Variants in RIMS1 observed in about 807,000 individuals in gnomAD.
RIMS1 encodes the protein regulating synaptic membrane exocytosis protein 1.
RIMS1 carries 83 observed loss-of-function variants against 214.1 expected under a neutral mutation model. That is an observed-to-expected ratio of 0.39 (90% CI 0.32 to 0.47). RIMS1 has a LOEUF of 0.47. RIMS1 is among the 20% of genes least tolerant of loss of function. The pLI, the probability that RIMS1 is intolerant of heterozygous loss-of-function variation, is 0.99. For missense variants in RIMS1, 2,050 were observed against 2,161.8 expected (o/e 0.95, Z 1.03); for synonymous variants, 793 against 786.8 (o/e 1.01, Z -0.13).
intron 2 of RIMS1, among the ~76,000 whole-genome samples, chr6:72,014,422 A>G (rs1430484981): frequency 2.0e-5 from 3 of 152,240 alleles, no homozygotes; most frequent in African/African-American, 7.2e-5. Flanking sequence ...TTGATGTTGC[A>G]TGGAGCATAT....
intron 2 of RIMS1, among the ~76,000 whole-genome samples, chr6:71,991,238 TA>T (rs1463577591): frequency 2.1e-4 from 32 of 152,196 alleles, no homozygotes; most frequent in Non-Finnish European, 2.9e-5. Context: ...GCCTCTGGAC[TA>T]TATGAATCAC....
intron 4 of RIMS1, among the ~76,000 whole-genome samples, chr6:72,138,088 G>GTGTA (rs1324247457): frequency 6.6e-6 from 1 of 152,036 alleles, no homozygotes; most frequent in African/African-American, 2.4e-5. Context: ...GTGTGTGTGT[G>GTGTA]TGTATGTATA....
chr6:72,049,834 G>GT (rs71699207), intron 2 of RIMS1, among the ~76,000 whole-genome samples: 12,720 of 151,980 alleles, frequency 0.084, 591 homozygotes, highest in African/African-American at 0.11. Flanking sequence ...AATATTTTCA[G>GT]TTTTTTTCAG....
chr6:72,295,936 G>C (rs2094028883), intron 26 of RIMS1: 2 of 538,094 alleles, frequency 3.7e-6, no homozygotes, highest in Admixed American at 1.2e-4. Context: ...ATTCATTGAA[G>C]AACAAGAAAA....
chr6:72,108,427 T>C (rs1398663971), intron 4 of RIMS1, among the ~76,000 whole-genome samples: 1 of 152,150 alleles, frequency 6.6e-6, no homozygotes, highest in Non-Finnish European at 1.5e-5. Flanking sequence ...TTTGACTACA[T>C]CATCACCACT....
Position 71,897,320 on chromosome 6 carries a change from C to T in RIMS1, c.164+10133C>T, listed in dbSNP as rs1487215439. Among the ~76,000 whole-genome samples the T allele has an allele frequency of 2.0e-5, 3 of 152,224 alleles. No individual in the cohort carries two copies. The East Asian group carries it at 5.8e-4, about 29-fold the overall frequency. ...ATCTGATCTGATCTCCACATTGCTG[C>T]CAGAGGAATCTTTCTAAAATTCGTC... On this transcript the variant is annotated intron_variant, in intron 1 of 33. Coordinates refer to ENST00000521978, the MANE Select transcript of RIMS1 (RefSeq NM_014989.7).
At chr6:72,348,261 TCAAA>T (rs1041710401) in intron 29 of RIMS1, among the ~76,000 whole-genome samples, 2 of 151,920 alleles carry the variant, frequency 1.3e-5, no homozygotes, top group Non-Finnish European at 2.9e-5. Flanking sequence ...AATTTTTTTG[TCAAA>T]CAAATGCAAA....
At chr6:72,011,047 C>G (rs2151854812) in intron 2 of RIMS1, among the ~76,000 whole-genome samples, 1 of 149,594 alleles carries the variant, frequency 6.7e-6, no homozygotes, top group African/African-American at 2.4e-5. Flanking sequence ...AAGAACAAAG[C>G]TGGAGTCTTC....
chr6:72,239,275 A>T (rs2065645933), intron 9 of RIMS1, among the ~76,000 whole-genome samples: 1 of 152,188 alleles, frequency 6.6e-6, no homozygotes, highest in African/African-American at 2.4e-5. Context: ...TAGGAAGTAA[A>T]AGAAGAGGGG....
At chr6:72,049,597 C>T (rs1022615132) in intron 2 of RIMS1, among the ~76,000 whole-genome samples, 1 of 152,112 alleles carries the variant, frequency 6.6e-6, no homozygotes, top group Non-Finnish European at 1.5e-5. Context: ...TACTGAGGTA[C>T]GAGGTAAGGT....
At chr6:72,146,652 GATTA>G in intron 4 of RIMS1, among the ~76,000 whole-genome samples, 1 of 152,186 alleles carries the variant, frequency 6.6e-6, no homozygotes, top group South Asian at 2.1e-4. Context: ...TCTTTTACAA[GATTA>G]ATTTTTACAA....
At chr6:72,355,849 G>T (rs1301635878) in intron 29 of RIMS1, among the ~76,000 whole-genome samples, 2 of 152,044 alleles carry the variant, frequency 1.3e-5, no homozygotes, top group African/African-American at 4.8e-5. Flanking sequence ...ATATCATAAT[G>T]AGCATAATAA....
chr6:71,947,633 T>G (rs1253310857), intron 1 of RIMS1, among the ~76,000 whole-genome samples: 1 of 152,098 alleles, frequency 6.6e-6, no homozygotes, highest in African/African-American at 2.4e-5. Flanking sequence ...TATTACATCA[T>G]GATGGCTGCC....
intron 2 of RIMS1, among the ~76,000 whole-genome samples, chr6:72,070,596 G>C (rs1048195635): frequency 1.3e-5 from 2 of 152,062 alleles, no homozygotes; most frequent in African/African-American, 4.8e-5. Context: ...TTAAAATCAA[G>C]TTTTAAAACC....
intron 1 of RIMS1, among the ~76,000 whole-genome samples, chr6:71,894,749 T>C (rs530605856): frequency 2.3e-4 from 35 of 152,332 alleles, no homozygotes; most frequent in African/African-American, 8.4e-4. Context: ...TAATTGCATG[T>C]TATTTGTAAT....
At chr6:72,269,309 T>C (rs1178734380) in intron 22 of RIMS1, among the ~76,000 whole-genome samples, 2 of 152,202 alleles carry the variant, frequency 1.3e-5, no homozygotes, top group Admixed American at 1.3e-4. Flanking sequence ...ACCTCTGTTA[T>C]GATGTCTGCT....
intron 4 of RIMS1, among the ~76,000 whole-genome samples, chr6:72,172,070 G>A (rs759158004): frequency 6.6e-6 from 1 of 151,848 alleles, no homozygotes; most frequent in Admixed American, 6.6e-5. Flanking sequence ...ACTATATCAA[G>A]GAGTTAATAA....
At chr6:71,962,133 A>G (rs548515713) in intron 1 of RIMS1, among the ~76,000 whole-genome samples, 1 of 152,260 alleles carries the variant, frequency 6.6e-6, no homozygotes, top group Admixed American at 6.5e-5. Context: ...GATCTAAAGG[A>G]TGATAAATGG....
chr6:72,186,051 A>T (rs1032912100), intron 6 of RIMS1, among the ~76,000 whole-genome samples: 1 of 152,240 alleles, frequency 6.6e-6, no homozygotes, highest in African/African-American at 2.4e-5. Flanking sequence ...TATGATACAT[A>T]TAACATACAA....
Sources: allele counts gnomAD v4.1 joint callset (sites outside exome capture counted in the v4.1 genomes callset), GRCh38; gene constraint gnomAD v4.1.1; transcripts MANE v1.5; gene names NCBI Gene and HGNC (gene_info 2026-07-23, HGNC 2026-07-21).